Variants in SCAPER observed in about 807,000 individuals in gnomAD.
SCAPER encodes S phase cyclin A-associated protein in the endoplasmic reticulum.
SCAPER carries 98 observed loss-of-function variants against 182.2 expected under a neutral mutation model. That is an observed-to-expected ratio of 0.54 (90% CI 0.46 to 0.64). The LOEUF (loss-of-function observed/expected upper bound fraction) is 0.64, where lower values mean the gene tolerates loss of function less well. Ranked by LOEUF, SCAPER falls within the 30% of genes least tolerant of loss-of-function variation. The probability of loss-of-function intolerance (pLI) is 0.00; values close to 1 mark genes in which losing one functional copy is unlikely to be tolerated. For synonymous variants in SCAPER, 605 were observed against 564.6 expected, an observed-to-expected ratio of 1.07 and a Z score of -1.01; for missense variants, 1,432 against 1,690.0, an observed-to-expected ratio of 0.85 and a Z score of 2.68.
intron 30 of SCAPER, among the ~76,000 whole-genome samples, chr15:76,352,108 T>C (rs1284543106): frequency 6.6e-6 from 1 of 152,176 alleles, no homozygotes; most frequent in Non-Finnish European, 1.5e-5. Context: ...AGATGTGAAA[T>C]TGGTTTCGCT....
intron 5 of SCAPER, among the ~76,000 whole-genome samples, chr15:76,817,573 T>C (rs1266018873): frequency 6.6e-6 from 1 of 152,156 alleles, no homozygotes; most frequent in Non-Finnish European, 1.5e-5. Context: ...TTTGTTACTC[T>C]TACCACACAC....
intron 20 of SCAPER, among the ~76,000 whole-genome samples, chr15:76,666,099 T>C (rs1486643646): frequency 2.0e-5 from 3 of 152,124 alleles, no homozygotes; most frequent in African/African-American, 7.2e-5. Flanking sequence ...TAATATCATC[T>C]ATAATACCAA....
At chr15:76,572,687 G>C (rs2047513721) in intron 23 of SCAPER, among the ~76,000 whole-genome samples, 1 of 152,110 alleles carries the variant, frequency 6.6e-6, no homozygotes, top group Non-Finnish European at 1.5e-5. Context: ...GAACTTGTTA[G>C]GAATACAAAT....
At chr15:76,771,227 A>G (rs1308617975) in intron 10 of SCAPER, among the ~76,000 whole-genome samples, 1 of 152,130 alleles carries the variant, frequency 6.6e-6, no homozygotes, top group Non-Finnish European at 1.5e-5. Context: ...ATGGGTAGAA[A>G]TATGTTATCA....
intron 6 of SCAPER, 54 bp downstream of exon 6, chr15:76,804,479 A>G: frequency 8.6e-7 from 1 of 1,168,906 alleles, no homozygotes; most frequent in East Asian, 2.4e-5. Flanking sequence ...CGTTTCAGTG[A>G]TTGCTATTGA....
intron 23 of SCAPER, among the ~76,000 whole-genome samples, chr15:76,511,214 T>C (rs530202475): frequency 6.6e-6 from 1 of 152,172 alleles, no homozygotes; most frequent in East Asian, 1.9e-4. Flanking sequence ...AACTTACTCA[T>C]GTAACCAAAT....
intron 20 of SCAPER, among the ~76,000 whole-genome samples, chr15:76,672,686 A>T (rs2057109140): frequency 6.6e-6 from 1 of 152,132 alleles, no homozygotes; most frequent in Admixed American, 6.6e-5. Context: ...AGTAAGTGGA[A>T]ATACTGCAAG....
chr15:76,847,288 C>G (rs1265609432), intron 4 of SCAPER, among the ~76,000 whole-genome samples: 1 of 151,862 alleles, frequency 6.6e-6, no homozygotes, highest in African/African-American at 2.4e-5. Flanking sequence ...CACATGTATA[C>G]CTATGTAACA....
chr15:76,732,381 A>C (rs1342164627), intron 16 of SCAPER, among the ~76,000 whole-genome samples: 1 of 152,186 alleles, frequency 6.6e-6, no homozygotes, highest in Non-Finnish European at 1.5e-5. Flanking sequence ...CAATATTATA[A>C]TAATCCTTGC....
At chr15:76,876,728 TAGCAAACTAC>T (rs1210975995) in intron 2 of SCAPER, among the ~76,000 whole-genome samples, 3 of 152,124 alleles carry the variant, frequency 2.0e-5, no homozygotes, top group Non-Finnish European at 4.4e-5. Flanking sequence ...TTTAAATTCT[TAGCAAACTAC>T]AGCAAACATC....
intron 23 of SCAPER, among the ~76,000 whole-genome samples, chr15:76,539,929 C>CT (rs1217509630): frequency 6.6e-6 from 1 of 152,074 alleles, no homozygotes; most frequent in Non-Finnish European, 1.5e-5. Context: ...AAAGGGATGC[C>CT]TACTGAAACA....
intron 2 of SCAPER, among the ~76,000 whole-genome samples, chr15:76,863,992 T>C (rs1362957354): frequency 6.6e-6 from 1 of 152,052 alleles, no homozygotes; most frequent in Non-Finnish European, 1.5e-5. Context: ...ACTGTGTGAG[T>C]GAGCCATTTT....
intron 29 of SCAPER, among the ~76,000 whole-genome samples, chr15:76,373,016 T>G (rs2042289427): frequency 7.0e-6 from 1 of 143,816 alleles, no homozygotes. Flanking sequence ...TTGCCCTGTC[T>G]TTTTCTTTCT....
chr15:76,417,219 TA>T (rs888686211), intron 26 of SCAPER, among the ~76,000 whole-genome samples: 13 of 94,148 alleles, frequency 1.4e-4, no homozygotes, highest in African/African-American at 3.1e-4. Flanking sequence ...CTGTGTGTGT[TA>T]AAAAAACAAA....
intron 26 of SCAPER, among the ~76,000 whole-genome samples, chr15:76,424,794 C>T (rs2046307374): frequency 6.6e-6 from 1 of 152,154 alleles, no homozygotes; most frequent in African/African-American, 2.4e-5. Context: ...CCTTCAGGAA[C>T]TCTTGTAGGG....
chr15:76,627,618 T>C (rs12148877), intron 21 of SCAPER, among the ~76,000 whole-genome samples: 3 of 151,950 alleles, frequency 2.0e-5, no homozygotes, highest in African/African-American at 7.2e-5. Context: ...ACAAAGAACA[T>C]GATCTCATTC....
chr15:76,800,291 T>C lies in SCAPER; in HGVS notation c.568A>G (p.Arg190Gly), dbSNP rs977793006. The change falls in exon 7 of 32, where the codon AGA becomes GGA. Residue 190 changes from arginine to glycine, a missense_variant. Coordinates refer to ENST00000563290, the MANE Select transcript of SCAPER (RefSeq NM_020843.4). ...RHVIPSPSTD[R>G]INVTSNARRS... ...CGAGCATTTGATGTTACATTTATTC[T>C]ATCTGTTGATGGACTTGGAATCACA... is the stretch of plus-strand genomic sequence containing the variant. 11 of 1,613,402 alleles carry C rather than the reference T, an allele frequency of 6.8e-6. No individual in the cohort carries two copies. Among genetic ancestry groups the C allele is most frequent in the Admixed American group, 3.3e-5 (2 of 59,922 alleles).
At chr15:76,671,539 G>A (rs2057011820) in intron 20 of SCAPER, among the ~76,000 whole-genome samples, 1 of 152,170 alleles carries the variant, frequency 6.6e-6, no homozygotes, top group South Asian at 2.1e-4. Flanking sequence ...GGAGGCCGAG[G>A]TGGGCAGATC....
chr15:76,651,861 T>G (rs556024693), intron 21 of SCAPER, among the ~76,000 whole-genome samples: 6 of 146,356 alleles, frequency 4.1e-5, no homozygotes, highest in Non-Finnish European at 9.0e-5. Flanking sequence ...CAAACACAGA[T>G]GCAAAAATCC....
Sources: allele counts gnomAD v4.1 joint callset (sites outside exome capture counted in the v4.1 genomes callset), GRCh38; gene constraint gnomAD v4.1.1; transcripts MANE v1.5; gene names NCBI Gene and HGNC (gene_info 2026-07-23, HGNC 2026-07-21).